VWC2: variants seen among roughly 807,000 people sequenced by gnomAD.
VWC2 encodes the protein von Willebrand factor C domain containing 2.
In VWC2, 14 loss-of-function variants were observed where a neutral mutation model predicts 29.8. The observed-to-expected ratio is 0.47, with a 90% CI of 0.31 to 0.74. The LOEUF is 0.74. Among genes scored for constraint, VWC2 ranks in the 30% least tolerant of loss-of-function variants. The probability of loss-of-function intolerance (pLI) is 0.05; values close to 1 mark genes in which losing one functional copy is unlikely to be tolerated. For missense variants in VWC2, 457 were observed against 459.8 expected (o/e 0.99, Z 0.05); for synonymous variants, 213 against 199.0 (o/e 1.07, Z -0.59).
intron 3 of VWC2, among the ~76,000 whole-genome samples, chr7:49,887,575 G>A (rs528279): frequency 0.79 from 120,316 of 152,028 alleles, 47,756 homozygotes; most frequent in East Asian, 0.91. Context: ...ATTTGTGTCT[G>A]TATGATAATC....
chr7:49,848,501 G>C (rs528866685), intron 3 of VWC2, among the ~76,000 whole-genome samples: 16 of 152,334 alleles, frequency 1.1e-4, no homozygotes, highest in African/African-American at 3.8e-4. Context: ...AGGAACTGTT[G>C]CTCAGTGAGC....
chr7:49,867,094 G>A (rs1790924583), intron 3 of VWC2, among the ~76,000 whole-genome samples: 2 of 152,186 alleles, frequency 1.3e-5, no homozygotes, highest in African/African-American at 4.8e-5. Flanking sequence ...ATAGCCAAAT[G>A]TCTCCCTGGG....
At chr7:49,814,004 A>G (rs901230358) in intron 3 of VWC2, among the ~76,000 whole-genome samples, 3 of 152,240 alleles carry the variant, frequency 2.0e-5, no homozygotes, top group Non-Finnish European at 4.4e-5. Context: ...ATGTTTAAAT[A>G]TTTAAAAGCT....
chr7:49,876,750 A>C (rs1482011996), intron 3 of VWC2, among the ~76,000 whole-genome samples: 1 of 152,010 alleles, frequency 6.6e-6, no homozygotes, highest in South Asian at 2.1e-4. Context: ...CTGTCAACAC[A>C]GTTTTATTTG....
intron 3 of VWC2, among the ~76,000 whole-genome samples, chr7:49,848,773 C>T (rs1444628994): frequency 6.6e-6 from 1 of 152,168 alleles, no homozygotes; most frequent in Admixed American, 6.5e-5. Context: ...ATTTTGGTAA[C>T]TGTTCTTTGG....
At chr7:49,864,908 TTGAC>T (rs1246611122) in intron 3 of VWC2, among the ~76,000 whole-genome samples, 5 of 152,314 alleles carry the variant, frequency 3.3e-5, no homozygotes, top group East Asian at 1.9e-4. Context: ...CTGTAAACCT[TTGAC>T]TGTTTTCCAC....
intron 2 of VWC2, among the ~76,000 whole-genome samples, chr7:49,788,516 AGTGTGG>A (rs1241658519): frequency 4.7e-4 from 69 of 148,282 alleles, no homozygotes; most frequent in African/African-American, 1.7e-3. Context: ...AGTGTGTGTG[AGTGTGG>A]GTGTGAGACA....
At chr7:49,819,839 G>T (rs1583649488) in intron 3 of VWC2, among the ~76,000 whole-genome samples, 2 of 152,292 alleles carry the variant, frequency 1.3e-5, no homozygotes, top group African/African-American at 4.8e-5. Flanking sequence ...GTCCAGGAGG[G>T]TCTCTGTTCT....
At chr7:49,887,359 A>T (rs1284279859) in intron 3 of VWC2, among the ~76,000 whole-genome samples, 1 of 152,220 alleles carries the variant, frequency 6.6e-6, no homozygotes, top group Non-Finnish European at 1.5e-5. Context: ...GCCTCCTTGG[A>T]TGATGACACC....
At chr7:49,796,722 C>T (rs1201148591) in intron 2 of VWC2, among the ~76,000 whole-genome samples, 1 of 152,164 alleles carries the variant, frequency 6.6e-6, no homozygotes, top group Non-Finnish European at 1.5e-5. Flanking sequence ...TGGTCCTTCT[C>T]ATGGTTATGA....
chr7:49,774,601 A>T (rs932788193), intron 1 of VWC2, among the ~76,000 whole-genome samples: 5 of 152,192 alleles, frequency 3.3e-5, no homozygotes, highest in African/African-American at 1.2e-4. Context: ...CCAGGACACT[A>T]CAAGACTGAG....
chr7:49,892,808 A>G (rs1224052147), intron 3 of VWC2, among the ~76,000 whole-genome samples: 2 of 152,246 alleles, frequency 1.3e-5, no homozygotes, highest in East Asian at 3.8e-4. Flanking sequence ...ATGAATATAA[A>G]TGTTCATCAG....
chr7:49,784,240 C>T (rs1224746303), intron 2 of VWC2, among the ~76,000 whole-genome samples: 1 of 152,250 alleles, frequency 6.6e-6, no homozygotes, highest in East Asian at 1.9e-4. Flanking sequence ...AAATAATGTA[C>T]ACTGCATCCA....
At chr7:49,867,187 A>G (rs866180891) in intron 3 of VWC2, among the ~76,000 whole-genome samples, 5 of 152,212 alleles carry the variant, frequency 3.3e-5, no homozygotes, top group African/African-American at 7.2e-5. Context: ...CTTTCAGTCA[A>G]CTTCATCTAA....
At chr7:49,789,206 T>A (rs1283473158) in intron 2 of VWC2, among the ~76,000 whole-genome samples, 1 of 147,012 alleles carries the variant, frequency 6.8e-6, no homozygotes, top group Non-Finnish European at 1.5e-5. Context: ...TGAGTGTGGG[T>A]GTGTGTGTGT....
rs1483089364 is a variant in VWC2 at position 49,920,191 on chromosome 7, C to T, written c.*8006C>T. 1.3e-5 allele frequency: 2 copies of T among 151,970 alleles called. No individual in the cohort carries two copies. Among genetic ancestry groups the T allele is most frequent in the Non-Finnish European group, 2.9e-5 (2 of 67,966 alleles). 9.4% of individuals were successfully genotyped at this position (151,970 alleles called of 1,614,324 possible). On this transcript the variant is annotated 3_prime_UTR_variant, in exon 4 of 4. Coordinates refer to ENST00000340652, the MANE Select transcript of VWC2 (RefSeq NM_198570.5). ...GAGCAAAACAGAGGTTTGTCTGAAA[C>T]ATTTAAAATATTAAGAAGTATGACT... is the stretch of plus-strand genomic sequence containing the variant.
At chr7:49,815,504 A>G (rs1399366484) in intron 3 of VWC2, among the ~76,000 whole-genome samples, 1 of 152,270 alleles carries the variant, frequency 6.6e-6, no homozygotes. Flanking sequence ...GTTAAACTAT[A>G]GAAAAATGAT....
chr7:49,891,696 GA>G (rs1792136658), intron 3 of VWC2, among the ~76,000 whole-genome samples: 2 of 152,138 alleles, frequency 1.3e-5, no homozygotes, highest in African/African-American at 4.8e-5. Flanking sequence ...ATCACTTTGG[GA>G]AAACATTTAT....
At chr7:49,804,069 G>T (rs1313097231) in intron 3 of VWC2, among the ~76,000 whole-genome samples, 1 of 151,960 alleles carries the variant, frequency 6.6e-6, no homozygotes, top group Non-Finnish European at 1.5e-5. Context: ...CTTTATATAG[G>T]GTTGGCTGGT....
Sources: allele counts gnomAD v4.1 joint callset (sites outside exome capture counted in the v4.1 genomes callset), GRCh38; gene constraint gnomAD v4.1.1; transcripts MANE v1.5; gene names NCBI Gene and HGNC (gene_info 2026-07-23, HGNC 2026-07-21).